CRLF2: variants seen among roughly 807,000 people sequenced by gnomAD.
CRLF2 encodes the protein cytokine receptor-like factor 2.
A neutral mutation model predicts 38.7 loss-of-function variants in CRLF2; 41 were observed. The observed-to-expected ratio is 1.06, with a 90% CI of 0.83 to 1.37. CRLF2 has a LOEUF of 1.37. Ranked by LOEUF, CRLF2 falls within the 40% of genes most tolerant of loss-of-function variation. The pLI is 0.00. For missense variants in CRLF2, 377 were observed against 322.2 expected (o/e 1.17, Z -1.30); for synonymous variants, 140 against 128.8 (o/e 1.09, Z -0.59).
chrX:1,210,493 G>A (rs2086778420), intron 1 of CRLF2, among the ~76,000 whole-genome samples: 2 of 151,948 alleles, frequency 1.3e-5, no homozygotes, highest in Admixed American at 1.3e-4. Flanking sequence ...TTTTGTATTA[G>A]TACAGACGGG....
At chrX:1,197,013 GT>G (rs1483415868) in intron 5 of CRLF2, 113 bp from the exon 6 acceptor site, 16 of 807,938 alleles carry the variant, frequency 2.0e-5, no homozygotes, top group South Asian at 8.0e-5. Context: ...TTTGGTGTTC[GT>G]TTTTTTTTCT....
chrX:1,196,282 G>T (rs2086473813), intron 6 of CRLF2, among the ~76,000 whole-genome samples: 1 of 149,922 alleles, frequency 6.7e-6, no homozygotes, highest in African/African-American at 2.5e-5. Flanking sequence ...CCGACTCCCA[G>T]GTTCAAGCAA....
At chrX:1,209,383 C>G (rs74588993) in intron 1 of CRLF2, among the ~76,000 whole-genome samples, 60,260 of 149,608 alleles carry the variant, frequency 0.4, 12,902 homozygotes, top group African/African-American at 0.54. Flanking sequence ...CCAGGCTGGA[C>G]TGCAGTGGCG....
chrX:1,194,090 T>A lies in CRLF2; in HGVS notation c.768-788A>T, dbSNP rs1404662529. Among the ~76,000 whole-genome samples the A allele has an allele frequency of 3.0e-3, 435 of 144,436 alleles. 3 individuals carry two copies. The highest frequency in any genetic ancestry group is 0.011 in the African/African-American group (412 of 38,710). 94.8% of individuals were successfully genotyped at this position (144,436 alleles called of 152,430 possible). On this transcript the variant is annotated intron_variant, in intron 6 of 7. Transcript: ENST00000400841. ...CAGTGATCTGAGATTGTGCCACTGC[T>A]CTCCAGCCAGGGCAACAGACCGAGA...
chrX:1,198,127 G>GGAAGGCAGGACACCCTCCCTCCCACCTT (rs2086524656), intron 5 of CRLF2, among the ~76,000 whole-genome samples: 9 of 143,180 alleles, frequency 6.3e-5, no homozygotes, highest in African/African-American at 2.3e-4. Flanking sequence ...CACCCTCCTG[G>GGAAGGCAGGACACCCTCCCTCCCACCTT]GAAGGCAGGA....
In CRLF2 at chrX:1,192,350, G is replaced by A. The variant is rs1288188994; in HGVS notation, c.852+868C>T. 5.0e-3 allele frequency among the ~76,000 whole-genome samples: 754 copies of A among 151,956 alleles called. 6 individuals carry two copies. The highest frequency in any genetic ancestry group is 0.017 in the African/African-American group (706 of 41,440). ...AACACATAGGACACAAAAACCAGGCGCGGTGGCTCACGCCTGTCATCCCAG... is the reference window on the plus strand; with the variant it reads ...AACACATAGGACACAAAAACCAGGCACGGTGGCTCACGCCTGTCATCCCAG... On this transcript the variant is annotated intron_variant, in intron 7 of 7. Transcript: ENST00000400841.
intron 6 of CRLF2, among the ~76,000 whole-genome samples, chrX:1,196,132 C>T (rs1221925601): frequency 2.0e-5 from 3 of 147,462 alleles, no homozygotes; most frequent in East Asian, 4.0e-4. Context: ...CCACCTGCCT[C>T]GGCCTCCTAA....
chrX:1,198,615 G>C lies in CRLF2; in HGVS notation c.593C>G (p.Thr198Arg), dbSNP rs1198758871. The C allele has an allele frequency of 6.8e-6, 11 of 1,613,504 alleles. No homozygotes were observed. Among genetic ancestry groups the C allele is most frequent in the Non-Finnish European group, 9.3e-6 (11 of 1,179,654 alleles). The part of the protein sequence containing the change: ...KAMEDVYGPD[T>R]YPSDWSEVTC... The stretch of plus-strand genomic sequence containing the variant: ...CACCTCTGACCAGTCGCTTGGGTAT[G>C]TGTCTGGCCCATATACATCCTCCAT... Residue 198 changes from threonine to arginine, a missense_variant, in exon 5 of 8, where the codon ACA becomes AGA. By Grantham distance (71) the Thr-to-Arg change is moderately conservative. Coordinates refer to ENST00000400841, the MANE Select transcript of CRLF2 (RefSeq NM_022148.4).
chrX:1,202,902 A>G (rs1206568281), intron 3 of CRLF2, among the ~76,000 whole-genome samples: 1 of 151,952 alleles, frequency 6.6e-6, no homozygotes, highest in Non-Finnish European at 1.5e-5. Context: ...TGAAGTCAGG[A>G]GTTCGAGACC....
At chrX:1,198,145 C>G (rs1183706777) in intron 5 of CRLF2, among the ~76,000 whole-genome samples, 2 of 142,846 alleles carry the variant, frequency 1.4e-5, no homozygotes, top group African/African-American at 5.2e-5. Flanking sequence ...GGACACCCTC[C>G]CTCCCACCTC....
Position 1,202,463 on chromosome X carries a change from AG to A in CRLF2, c.421del (p.Leu141CysfsTer32). ...CTCATAGAGGAGATCCCCGTAGGAC[AG>A]GTCAGAACACGTCACCGTCACTGCA... ...QDAVTVTCSD[L>X]SYGDLLYEVQ... On this transcript the variant is annotated frameshift_variant, in exon 4 of 8. Coordinates refer to ENST00000400841, the MANE Select transcript of CRLF2 (RefSeq NM_022148.4). LOFTEE classifies it high-confidence loss of function. 6.2e-7 allele frequency: 1 copy of A among 1,613,702 alleles called. No homozygotes were observed. Among genetic ancestry groups the A allele is most frequent in the Non-Finnish European group, 8.5e-7 (1 of 1,179,642 alleles).
In CRLF2 at chrX:1,191,093, C is replaced by T; in HGVS notation, c.920G>A (p.Gly307Asp). ...HKMAGAEQES[G>D]PEEPLVVQLA... ...CTGGACTACCAGGGGCTCCTCGGGG[C>T]CACTTTCTTGCTCTGCACCTGCCAT... is the stretch of plus-strand genomic sequence containing the variant. Residue 307 changes from glycine (G) to aspartate (D), a missense_variant, in exon 8 of 8, where the codon GGC becomes GAC. Gly to Asp is a moderately conservative substitution (Grantham distance 94). Transcript: ENST00000400841. The T allele has an allele frequency of 2.5e-6, 1 of 398,602 alleles. No individual in the cohort carries two copies. The allele number at this position is 398,602 out of a possible 1,614,324, so 24.7% of individuals were successfully genotyped here.
At position 1,207,903 on chromosome X, in the gene CRLF2, G is replaced by A. The variant is rs373315192; in HGVS notation, c.182+903C>T. 5.0e-3 allele frequency among the ~76,000 whole-genome samples: 758 copies of A among 152,254 alleles called. 3 individuals are homozygous for A. Among genetic ancestry groups the A allele is most frequent in the African/African-American group, 0.018 (730 of 41,568 alleles). On this transcript the variant is annotated intron_variant, in intron 2 of 7. Transcript: ENST00000400841. ...GATCTCAGATGATCCACCCACCTCG[G>A]TCTCCCAACGGTGAGTCTTATTTTC...
At chrX:1,202,573 T>C (rs758178132) in intron 3 of CRLF2, 38 bp from the exon 4 acceptor site, 2 of 1,613,328 alleles carry the variant, frequency 1.2e-6, no homozygotes, top group Admixed American at 1.7e-5. Flanking sequence ...GTCCCTCCTC[T>C]CTGAGCTGAT....
At chrX:1,195,254 A>T (rs1181219746) in intron 6 of CRLF2, among the ~76,000 whole-genome samples, 1 of 152,058 alleles carries the variant, frequency 6.6e-6, no homozygotes, top group African/African-American at 2.4e-5. Flanking sequence ...CACATTTTTG[A>T]AAAGTTCTCT....
intron 2 of CRLF2, among the ~76,000 whole-genome samples, chrX:1,207,512 CCT>C (rs1487452047): frequency 0.13 from 11,229 of 83,708 alleles, 738 homozygotes; most frequent in Non-Finnish European, 0.19. Context: ...CCCCCCCCCC[CCT>C]CAGCCTCCCA....
At position 1,208,807 on chromosome X, in the gene CRLF2, T is replaced by C. The variant is rs1259132801; in HGVS notation, c.181A>G (p.Arg61Gly). The change falls in exon 2 of 8, where the codon AGA (arginine) becomes GGA (glycine). Residue 61 changes from arginine to glycine, a missense_variant and splice_region_variant. By Grantham distance (125) the Arg-to-Gly change is moderately radical. Transcript: ENST00000400841. ...GTTCGCTTTCTGGGGGCCACTTACCTGTAGTGGAAAGTCAGGTTGGTCCTG... is the reference window on the plus strand; with the variant it reads ...GTTCGCTTTCTGGGGGCCACTTACCCGTAGTGGAAAGTCAGGTTGGTCCTG... ...YSRTNLTFHY[R>G]FNGDEAYDQC... 2.5e-6 allele frequency: 4 copies of C among 1,590,424 alleles called. No individual in the cohort carries two copies. Among genetic ancestry groups the C allele is most frequent in the Non-Finnish European group, 3.5e-6 (4 of 1,158,644 alleles).
chrX:1,197,951 G>A (rs1421833256), intron 5 of CRLF2, among the ~76,000 whole-genome samples: 6 of 151,974 alleles, frequency 3.9e-5, no homozygotes, highest in East Asian at 1.9e-4. Context: ...GCAGGGAGCC[G>A]AGATCGCGCC....
At chrX:1,197,621 C>CTG (rs199761979) in intron 5 of CRLF2, among the ~76,000 whole-genome samples, 1,917 of 151,980 alleles carry the variant, frequency 0.013, 45 homozygotes, top group African/African-American at 0.043. Flanking sequence ...CGAGACCAGC[C>CTG]TGGCCAATAT....
Sources: allele counts gnomAD v4.1 joint callset (sites outside exome capture counted in the v4.1 genomes callset), GRCh38; gene constraint gnomAD v4.1.1; transcripts MANE v1.5; gene names NCBI Gene and HGNC (gene_info 2026-07-23, HGNC 2026-07-21).